The following NAT1 variants were observed in gnomAD, a reference collection of about 807,000 sequenced individuals.
NAT1 encodes arylamine N-acetyltransferase 1.
For synonymous variants in NAT1, 144 were observed against 122.6 expected (o/e 1.17, Z -1.16); for missense variants, 400 against 339.2 (o/e 1.18, Z -1.41).
At chr8:18,190,820 G>T (rs1297721759) in intron 2 of NAT1, among the ~76,000 whole-genome samples, 1 of 152,012 alleles carries the variant, frequency 6.6e-6, no homozygotes, top group Middle Eastern at 3.4e-3. Context: ...TAATCCCAGC[G>T]CTTTGGGAGG....
intron 2 of NAT1, among the ~76,000 whole-genome samples, chr8:18,189,870 GC>G (rs1000680194): frequency 1.1e-4 from 16 of 152,088 alleles, no homozygotes; most frequent in African/African-American, 3.6e-4. Context: ...GATCACTACA[GC>G]CTCCACCTCC....
chr8:18,211,893 A>G (rs1329019535), intron 1 of NAT1, among the ~76,000 whole-genome samples: 2 of 152,240 alleles, frequency 1.3e-5, no homozygotes, highest in South Asian at 2.1e-4. Context: ...TCTTCTAATC[A>G]TTAATGCCAG....
chr8:18,185,184 T>A (rs1423335373), intron 2 of NAT1, among the ~76,000 whole-genome samples: 2 of 152,162 alleles, frequency 1.3e-5, no homozygotes, highest in Non-Finnish European at 2.9e-5. Context: ...ATAAAAGAAG[T>A]TAGGGGAAGA....
chr8:18,175,739 T>C (rs10093735), intron 2 of NAT1, among the ~76,000 whole-genome samples: 40,489 of 151,908 alleles, frequency 0.27, 5,984 homozygotes, highest in South Asian at 0.39. Context: ...CAGAGTGCAA[T>C]TCCTGGGTCA....
intron 2 of NAT1, among the ~76,000 whole-genome samples, chr8:18,192,227 A>G (rs1367492111): frequency 2.0e-5 from 3 of 152,224 alleles, no homozygotes; most frequent in East Asian, 3.8e-4. Context: ...CAGCCAACAG[A>G]CACATGAAAA....
At chr8:18,221,967 A>G in intron 2 of NAT1, 75 bp from the exon 3 acceptor site, 4 of 1,395,550 alleles carry the variant, frequency 2.9e-6, no homozygotes, top group Non-Finnish European at 2.0e-6. Context: ...TGTTTAAAAT[A>G]TAGCCATAAT....
chr8:18,220,473 T>C (rs958493994), intron 2 of NAT1, among the ~76,000 whole-genome samples: 1 of 152,166 alleles, frequency 6.6e-6, no homozygotes, highest in Non-Finnish European at 1.5e-5. Context: ...TACAGCACTG[T>C]TACAATCATA....
At chr8:18,191,457 C>T (rs1038745669) in intron 2 of NAT1, among the ~76,000 whole-genome samples, 2 of 152,098 alleles carry the variant, frequency 1.3e-5, no homozygotes, top group African/African-American at 4.8e-5. Context: ...CATCAAGCTA[C>T]CAATGACTTT....
At chr8:18,194,879 T>C (rs190117793) in intron 2 of NAT1, among the ~76,000 whole-genome samples, 1 of 152,034 alleles carries the variant, frequency 6.6e-6, no homozygotes, top group Admixed American at 6.5e-5. Flanking sequence ...TTTCTCTTGT[T>C]GGATTCATCG....
chr8:18,202,157 A>G (rs1435212922), intron 2 of NAT1, among the ~76,000 whole-genome samples: 1 of 152,154 alleles, frequency 6.6e-6, no homozygotes, highest in Non-Finnish European at 1.5e-5. Context: ...TGTGTAAGAT[A>G]TTTTTCCTGG....
intron 2 of NAT1, among the ~76,000 whole-genome samples, chr8:18,173,643 C>G (rs1002508291): frequency 1.8e-4 from 27 of 152,136 alleles, no homozygotes; most frequent in African/African-American, 6.3e-4. Context: ...CATTCCACAT[C>G]TTGGTTCTGA....
chr8:18,219,749 G>C (rs1036405024), intron 2 of NAT1, among the ~76,000 whole-genome samples: 1 of 152,170 alleles, frequency 6.6e-6, no homozygotes. Context: ...GAATGTTCAC[G>C]TGTGATTTGG....
At chr8:18,208,386 C>G (rs1413675665), upstream of NAT1, among the ~76,000 whole-genome samples, 2 of 151,948 alleles carry the variant, frequency 1.3e-5, no homozygotes, top group African/African-American at 2.4e-5. Context: ...ATAGAGAAAA[C>G]TCAAAACACG....
At chr8:18,178,303 G>C (rs988775956) in intron 2 of NAT1, among the ~76,000 whole-genome samples, 1 of 152,110 alleles carries the variant, frequency 6.6e-6, no homozygotes, top group African/African-American at 2.4e-5. Context: ...ATTCCTTCTG[G>C]TCAAGCTGGT....
At chr8:18,196,568 C>T (rs930181676) in intron 2 of NAT1, among the ~76,000 whole-genome samples, 1 of 152,160 alleles carries the variant, frequency 6.6e-6, no homozygotes, top group East Asian at 1.9e-4. Flanking sequence ...GTACTTATTA[C>T]CGATACATCT....
intron 2 of NAT1, among the ~76,000 whole-genome samples, chr8:18,194,827 A>T (rs1187827269): frequency 6.6e-6 from 1 of 151,888 alleles, no homozygotes; most frequent in Admixed American, 6.6e-5. Context: ...TTAAAAAAAA[A>T]AAAAAAAGAA....
At chr8:18,221,408 C>T (rs749057801) in intron 2 of NAT1, among the ~76,000 whole-genome samples, 2 of 150,946 alleles carry the variant, frequency 1.3e-5, no homozygotes, top group Non-Finnish European at 2.9e-5. Flanking sequence ...AGGGCACTTA[C>T]TACAATCTAA....
At chr8:18,219,719 A>G (rs1448337697) in intron 2 of NAT1, among the ~76,000 whole-genome samples, 1 of 152,182 alleles carries the variant, frequency 6.6e-6, no homozygotes, top group East Asian at 1.9e-4. Context: ...ATAATGCACA[A>G]TTTCTTATGT....
At chr8:18,219,634 A>T (rs533103160) in intron 2 of NAT1, 145 bp downstream of exon 2, 1 of 557,388 alleles carries the variant, frequency 1.8e-6, no homozygotes, top group South Asian at 2.5e-5. Context: ...TAAAGCTAAT[A>T]ATGTTTTCAG....
Sources: allele counts gnomAD v4.1 joint callset (sites outside exome capture counted in the v4.1 genomes callset), GRCh38; gene constraint gnomAD v4.1.1; transcripts MANE v1.5; gene names NCBI Gene and HGNC (gene_info 2026-07-23, HGNC 2026-07-21).